The following GRM5 variants were observed in gnomAD, a reference collection of about 807,000 sequenced individuals.
The protein encoded by GRM5 is glutamate metabotropic receptor 5.
Under a neutral mutation model 83.1 loss-of-function variants are expected in GRM5, and 19 were observed. That is an observed-to-expected ratio of 0.23 (90% CI 0.16 to 0.34). GRM5 has a LOEUF of 0.34. GRM5 is among the 10% of genes least tolerant of loss of function. The pLI is 1.00. For missense variants in GRM5, 1,160 were observed against 1,588.3 expected, an observed-to-expected ratio of 0.73 and a Z score of 4.58; for synonymous variants, 675 against 633.6, an observed-to-expected ratio of 1.07 and a Z score of -0.98.
chr11:88,897,358 C>T (rs1310710454), intron 2 of GRM5, among the ~76,000 whole-genome samples: 1 of 151,878 alleles, frequency 6.6e-6, no homozygotes, highest in Non-Finnish European at 1.5e-5. Context: ...AATATTTCCC[C>T]TCCTGGGCCC....
intron 2 of GRM5, among the ~76,000 whole-genome samples, chr11:88,965,989 A>G (rs1565312413): frequency 6.6e-6 from 1 of 152,180 alleles, no homozygotes; most frequent in Non-Finnish European, 1.5e-5. Flanking sequence ...ATCATGACAG[A>G]ACACAGAATA....
intron 3 of GRM5, among the ~76,000 whole-genome samples, chr11:88,667,909 A>G (rs201393034): frequency 3.6e-5 from 4 of 109,784 alleles, no homozygotes; most frequent in East Asian, 6.2e-4. Flanking sequence ...AAAAAAAAAG[A>G]AAAAAAATGT....
chr11:88,721,963 G>C (rs957970035), intron 3 of GRM5, among the ~76,000 whole-genome samples: 16 of 152,132 alleles, frequency 1.1e-4, no homozygotes, highest in African/African-American at 3.6e-4. Context: ...GGGATGTAAG[G>C]TGTGACTAAA....
At chr11:88,637,761 T>C (rs891248310) in intron 4 of GRM5, among the ~76,000 whole-genome samples, 5 of 148,672 alleles carry the variant, frequency 3.4e-5, no homozygotes, top group African/African-American at 9.8e-5. Flanking sequence ...TCCTCAGGGA[T>C]CTAGAACTAG....
chr11:88,923,770 T>C (rs1283936991), intron 2 of GRM5, among the ~76,000 whole-genome samples: 1 of 151,852 alleles, frequency 6.6e-6, no homozygotes, highest in Non-Finnish European at 1.5e-5. Flanking sequence ...TCTGATTTGA[T>C]TATTATGCAT....
intron 2 of GRM5, among the ~76,000 whole-genome samples, chr11:88,956,043 C>T (rs1938602367): frequency 6.6e-6 from 1 of 152,194 alleles, no homozygotes; most frequent in African/African-American, 2.4e-5. Flanking sequence ...AACGTCAGAT[C>T]AGCTTCACAA....
chr11:88,755,445 G>GA (rs1478730459), intron 3 of GRM5, among the ~76,000 whole-genome samples: 1 of 152,032 alleles, frequency 6.6e-6, no homozygotes, highest in Non-Finnish European at 1.5e-5. Flanking sequence ...CATATGGTAG[G>GA]AAAAAATTGA....
chr11:88,886,654 C>G (rs1213080706), intron 2 of GRM5, among the ~76,000 whole-genome samples: 1 of 152,082 alleles, frequency 6.6e-6, no homozygotes, highest in African/African-American at 2.4e-5. Context: ...GGGTTACCAC[C>G]ATTGTTATCC....
At chr11:89,039,269 TA>T (rs202190539) in intron 2 of GRM5, among the ~76,000 whole-genome samples, 9,984 of 145,174 alleles carry the variant, frequency 0.069, 1,053 homozygotes, top group African/African-American at 0.23. Context: ...CGTTTCAAAA[TA>T]AAAAAAAAAT....
At chr11:88,764,783 A>G (rs1378326801) in intron 3 of GRM5, among the ~76,000 whole-genome samples, 1 of 151,632 alleles carries the variant, frequency 6.6e-6, no homozygotes, top group Non-Finnish European at 1.5e-5. Context: ...ACCTAACTTT[A>G]AGATACTAGA....
chr11:88,652,785 G>A (rs72639181), intron 4 of GRM5, among the ~76,000 whole-genome samples: 4 of 151,986 alleles, frequency 2.6e-5, no homozygotes, highest in East Asian at 1.9e-4. Context: ...ATATGAAACC[G>A]TTACTATGTG....
intron 3 of GRM5, among the ~76,000 whole-genome samples, chr11:88,780,999 T>C (rs576892625): frequency 5.9e-5 from 9 of 151,964 alleles, no homozygotes; most frequent in Admixed American, 3.9e-4. Flanking sequence ...TTAAACTTAT[T>C]GAAAATAACC....
intron 4 of GRM5, among the ~76,000 whole-genome samples, chr11:88,621,385 A>G (rs1938630307): frequency 6.6e-6 from 1 of 152,206 alleles, no homozygotes; most frequent in Admixed American, 6.5e-5. Context: ...TGGTCACTCT[A>G]CGATGAATCC....
intron 2 of GRM5, among the ~76,000 whole-genome samples, chr11:88,922,661 G>A (rs1471205695): frequency 6.6e-6 from 1 of 152,112 alleles, no homozygotes; most frequent in Non-Finnish European, 1.5e-5. Flanking sequence ...TAAGGCATGA[G>A]TTTGGGCAAA....
chr11:88,947,719 G>A (rs1938328670), intron 2 of GRM5, among the ~76,000 whole-genome samples: 1 of 152,038 alleles, frequency 6.6e-6, no homozygotes, highest in South Asian at 2.1e-4. Context: ...TACTGGGTTG[G>A]GGAAGAGGGG....
At chr11:89,036,116 G>C (rs1459413103) in intron 2 of GRM5, among the ~76,000 whole-genome samples, 1 of 151,858 alleles carries the variant, frequency 6.6e-6, no homozygotes, top group African/African-American at 2.4e-5. Flanking sequence ...ATCCCCTCTA[G>C]TTTCATCTCC....
At chr11:88,950,165 C>T (rs1219919695) in intron 2 of GRM5, among the ~76,000 whole-genome samples, 3 of 151,960 alleles carry the variant, frequency 2.0e-5, no homozygotes, top group Non-Finnish European at 2.9e-5. Flanking sequence ...TGAGCCACCA[C>T]GCCCGGCCGA....
intron 3 of GRM5, among the ~76,000 whole-genome samples, chr11:88,711,088 T>C (rs576148180): frequency 1.5e-4 from 23 of 152,060 alleles, no homozygotes; most frequent in Non-Finnish European, 2.4e-4. Context: ...TAGTGCACCA[T>C]TGGGGCCTAC....
At chr11:88,742,593 T>C (rs1254360609) in intron 3 of GRM5, among the ~76,000 whole-genome samples, 2 of 152,098 alleles carry the variant, frequency 1.3e-5, no homozygotes, top group Non-Finnish European at 2.9e-5. Context: ...TCTCCAGGTA[T>C]TTATTGTTCC....
Sources: gnomAD v4.1 joint callset for allele counts (sites outside exome capture counted in the v4.1 genomes callset) on GRCh38, gnomAD v4.1.1 for gene constraint, MANE v1.5 for transcripts, NCBI Gene and HGNC (gene_info 2026-07-23, HGNC 2026-07-21) for gene names.